Variants in AP1S3 observed in about 807,000 individuals in gnomAD.
AP1S3 encodes adaptor related protein complex 1 subunit sigma 3.
AP1S3 carries 10 observed loss-of-function variants against 20.9 expected under a neutral mutation model. That is an observed-to-expected ratio of 0.48 (90% CI 0.29 to 0.81). The LOEUF is 0.81. Ranked by LOEUF, AP1S3 falls within the 30% of genes least tolerant of loss-of-function variation. AP1S3 has a pLI of 0.08. For synonymous variants in AP1S3, 41 were observed against 61.5 expected (o/e 0.67, Z 1.56); for missense variants, 154 against 183.8 (o/e 0.84, Z 0.94).
chr2:223,777,676 A>G lies in AP1S3; in HGVS notation c.182+15T>C, dbSNP rs767546056. The G allele has an allele frequency of 1.2e-5, 19 of 1,608,600 alleles. No homozygotes were observed. Among genetic ancestry groups the G allele is most frequent in the Non-Finnish European group, 1.4e-5 (17 of 1,177,764 alleles). On this transcript the variant is annotated intron_variant, in intron 2 of 4. Coordinates refer to ENST00000396654, the MANE Select transcript of AP1S3 (RefSeq NM_001039569.2). ...GTAAGACTGAGAAATTGAGCTCTCAAAAAGTTACTCACACCTTTTATAAAC... is the reference window on the plus strand; with the variant it reads ...GTAAGACTGAGAAATTGAGCTCTCAGAAAGTTACTCACACCTTTTATAAAC...
In AP1S3 at chr2:223,836,501, A is replaced by G. The variant is rs143154390; in HGVS notation, c.3+947T>C. 6.9e-3 allele frequency among the ~76,000 whole-genome samples: 1,052 copies of G among 152,292 alleles called. 18 individuals are homozygous for G. The highest frequency in any genetic ancestry group is 0.024 in the African/African-American group (1,017 of 41,558). On this transcript the variant is annotated intron_variant, in intron 1 of 4. Transcript: ENST00000396654. Reference sequence around the variant, plus strand: ...ACCCCTGTAATCCCTACACTTTGGGAGGCCGAGGCAGGCGGATCACCTGAG... The same window carrying G: ...ACCCCTGTAATCCCTACACTTTGGGGGGCCGAGGCAGGCGGATCACCTGAG...
At chr2:223,817,465 A>C (rs901534521) in intron 1 of AP1S3, among the ~76,000 whole-genome samples, 5 of 151,860 alleles carry the variant, frequency 3.3e-5, no homozygotes, top group Middle Eastern at 6.8e-3. Context: ...AAAATTAGCC[A>C]GGCATGGTGG....
At position 223,784,967 on chromosome 2, in the gene AP1S3, A is replaced by C. The variant is rs558847302; in HGVS notation, c.4-7098T>G. Reference sequence around the variant, plus strand: ...AGCATACAAAAACAATAAAACTAACAATGCCTAAAGATCCAATAATAGAGT... The same window carrying C: ...AGCATACAAAAACAATAAAACTAACCATGCCTAAAGATCCAATAATAGAGT... On this transcript the variant is annotated intron_variant, in intron 1 of 4. Transcript: ENST00000396654. Among the ~76,000 whole-genome samples, 4 of 152,356 alleles carry C rather than the reference A, an allele frequency of 2.6e-5. No homozygotes were observed. In the South Asian group the frequency reaches 8.3e-4, roughly 32 times the overall value.
chr2:223,797,283 G>C (rs1691360882), intron 1 of AP1S3, among the ~76,000 whole-genome samples: 1 of 152,146 alleles, frequency 6.6e-6, no homozygotes, highest in Non-Finnish European at 1.5e-5. Flanking sequence ...GGGTGGAGGA[G>C]AGAGCAGCAA....
At chr2:223,827,106 T>C (rs569870378) in intron 1 of AP1S3, among the ~76,000 whole-genome samples, 1 of 152,290 alleles carries the variant, frequency 6.6e-6, no homozygotes, top group East Asian at 1.9e-4. Flanking sequence ...TCTGCCTTAT[T>C]GTATATTCAA....
chr2:223,810,015 C>T (rs554575105), intron 1 of AP1S3, among the ~76,000 whole-genome samples: 63 of 152,146 alleles, frequency 4.1e-4, no homozygotes, highest in African/African-American at 1.2e-3. Context: ...GTTGAGCCAC[C>T]GTGCCCGGCC....
chr2:223,761,967 G>A (rs1388903585), intron 4 of AP1S3, among the ~76,000 whole-genome samples: 6 of 151,932 alleles, frequency 3.9e-5, no homozygotes, highest in Admixed American at 6.6e-5. Flanking sequence ...TCGCCTTTGA[G>A]AGTTTCATTT....
intron 4 of AP1S3, among the ~76,000 whole-genome samples, chr2:223,763,703 T>C (rs1690413035): frequency 6.6e-6 from 1 of 152,176 alleles, no homozygotes; most frequent in African/African-American, 2.4e-5. Context: ...GGCCTTCTAA[T>C]AGGCACACGC....
chr2:223,770,726 C>CTTTT lies in AP1S3; in HGVS notation c.291+5174_291+5175insAAAA, dbSNP rs1194728092. On this transcript the variant is annotated intron_variant, in intron 3 of 4. Transcript: ENST00000396654. ...ATCCAGGAAGACCCTTAGACCAGTT[C>CTTTT]ATTTTTTTTTTTTTTTTTTTGGAAA... 5.7e-3 allele frequency among the ~76,000 whole-genome samples: 433 copies of CTTTT among 76,452 alleles called. 4 individuals carry two copies. Among genetic ancestry groups the CTTTT allele is most frequent in the South Asian group, 8.1e-3 (17 of 2,106 alleles). 50.2% of individuals were successfully genotyped at this position (76,452 alleles called of 152,430 possible). A position where few individuals can be genotyped will look rare whatever the true frequency, so the allele number is the denominator to read the frequency against.
intron 4 of AP1S3, among the ~76,000 whole-genome samples, chr2:223,761,117 C>A (rs1187885810): frequency 3.9e-5 from 6 of 152,198 alleles, no homozygotes; most frequent in African/African-American, 1.4e-4. Context: ...TTGGCATTTT[C>A]TTGAGCTTGC....
intron 1 of AP1S3, among the ~76,000 whole-genome samples, chr2:223,820,851 C>A (rs1691971242): frequency 6.6e-6 from 1 of 152,104 alleles, no homozygotes; most frequent in South Asian, 2.1e-4. Context: ...GGCAGCCAAA[C>A]CAATCTGCTT....
At chr2:223,811,359 G>A (rs887697406) in intron 1 of AP1S3, among the ~76,000 whole-genome samples, 5 of 152,090 alleles carry the variant, frequency 3.3e-5, no homozygotes, top group African/African-American at 1.2e-4. Flanking sequence ...CCTGAGTTCA[G>A]GAGTTCAAGA....
rs778744960 is a variant in AP1S3, at chr2:223,788,762, T to TAA, written c.4-10895_4-10894dup. ...CTGGGTGACAGAGCAAGACTCTGTC[T>TAA]AAAAAAAAAAAAAAAAAAAGAAGAA... On this transcript the variant is annotated intron_variant, in intron 1 of 4. Coordinates refer to ENST00000396654, the MANE Select transcript of AP1S3 (RefSeq NM_001039569.2). Among the ~76,000 whole-genome samples the TAA allele has an allele frequency of 2.0e-3, 219 of 110,134 alleles. 1 individual carries two copies. The highest frequency in any genetic ancestry group is 7.2e-3 in the African/African-American group (208 of 29,074). The allele number at this position is 110,134 out of a possible 152,430, so 72.3% of individuals were successfully genotyped here.
At position 223,770,382 on chromosome 2, in the gene AP1S3, C is replaced by A; in HGVS notation, c.292-5032G>T. The A allele has an allele frequency of 2.6e-6, 4 of 1,544,500 alleles. No homozygotes were observed. The South Asian group carries it at 4.8e-5, about 19-fold the overall frequency. On this transcript the variant is annotated intron_variant, in intron 3 of 4. Coordinates refer to ENST00000396654, the MANE Select transcript of AP1S3 (RefSeq NM_001039569.2). ...AATTCTCCAGGAACTTCTTATACCC[C>A]ACTTTGACACGTCCCCAGGTCTGGG...
At chr2:223,826,835 T>C (rs1231243798) in intron 1 of AP1S3, among the ~76,000 whole-genome samples, 1 of 152,072 alleles carries the variant, frequency 6.6e-6, no homozygotes, top group East Asian at 1.9e-4. Flanking sequence ...GAGATGCTTT[T>C]TTTGAACTTT....
intron 1 of AP1S3, among the ~76,000 whole-genome samples, chr2:223,792,712 A>T (rs1691239752): frequency 6.6e-6 from 1 of 152,232 alleles, no homozygotes; most frequent in African/African-American, 2.4e-5. Flanking sequence ...AAAAGCAAAA[A>T]TTGACAAATG....
intron 1 of AP1S3, among the ~76,000 whole-genome samples, chr2:223,832,153 G>C (rs1335044761): frequency 6.8e-6 from 1 of 147,082 alleles, no homozygotes; most frequent in Non-Finnish European, 1.5e-5. Flanking sequence ...GTGTGTGTGT[G>C]TGTGTGTGTG....
In AP1S3 at chr2:223,792,947, C is replaced by T. The variant is rs141510399; in HGVS notation, c.4-15078G>A. Among the ~76,000 whole-genome samples, 19 of 152,164 alleles carry T rather than the reference C, an allele frequency of 1.2e-4. No homozygotes were observed. The East Asian group carries it at 2.9e-3, about 23-fold the overall frequency. ...CAGATACTTGTCAAAAGAAGACATA[C>T]ATGTAGCCAACAAACATGAAAAAAA... On this transcript the variant is annotated intron_variant, in intron 1 of 4. Transcript: ENST00000396654.
intron 1 of AP1S3, among the ~76,000 whole-genome samples, chr2:223,780,752 T>C (rs1574698715): frequency 2.5e-5 from 1 of 39,394 alleles, no homozygotes; most frequent in African/African-American, 5.8e-5. Context: ...ATAGTTCATC[T>C]TTTTTTTTTT....
Sources: gnomAD v4.1 joint callset for allele counts (sites outside exome capture counted in the v4.1 genomes callset) on GRCh38, gnomAD v4.1.1 for gene constraint, MANE v1.5 for transcripts, NCBI Gene and HGNC (gene_info 2026-07-23, HGNC 2026-07-21) for gene names.